LMF1: variants seen among roughly 807,000 people sequenced by gnomAD.
LMF1 encodes the protein lipase maturation factor 1.
In LMF1, 68 loss-of-function variants were observed where a neutral mutation model predicts 60.6. The observed-to-expected ratio is 1.12, with a 90% CI of 0.92 to 1.37. The LOEUF (loss-of-function observed/expected upper bound fraction) is 1.37. Among genes scored for constraint, LMF1 ranks in the 40% most tolerant of loss-of-function variants. The pLI, the probability that LMF1 is intolerant of heterozygous loss-of-function variation, is 0.00. For missense variants in LMF1, 948 were observed against 767.2 expected, an observed-to-expected ratio of 1.24 and a Z score of -2.78; for synonymous variants, 418 against 324.7, an observed-to-expected ratio of 1.29 and a Z score of -3.09.
chr16:927,945 G>T (rs2071657740), intron 3 of LMF1, among the ~76,000 whole-genome samples: 1 of 152,192 alleles, frequency 6.6e-6, no homozygotes, highest in Non-Finnish European at 1.5e-5. Flanking sequence ...AGCCTAGAAA[G>T]CAGACCTGAG....
At chr16:880,420 C>A (rs2070128440) in intron 5 of LMF1, among the ~76,000 whole-genome samples, 1 of 152,198 alleles carries the variant, frequency 6.6e-6, no homozygotes, top group Non-Finnish European at 1.5e-5. Context: ...GCCTGTGATC[C>A]CAGCACTTTG....
At chr16:909,212 G>C (rs563946665) in intron 4 of LMF1, among the ~76,000 whole-genome samples, 3 of 152,314 alleles carry the variant, frequency 2.0e-5, no homozygotes, top group Admixed American at 2.0e-4. Flanking sequence ...GCTAAGGGCT[G>C]GCGCAAGGTG....
intron 1 of LMF1, among the ~76,000 whole-genome samples, chr16:977,544 G>C (rs1162361050): frequency 6.6e-6 from 1 of 152,194 alleles, no homozygotes; most frequent in Non-Finnish European, 1.5e-5. Flanking sequence ...CGGGATGCAG[G>C]GGCTGGGAGG....
intron 3 of LMF1, among the ~76,000 whole-genome samples, chr16:924,585 A>G (rs902953715): frequency 1.3e-5 from 2 of 152,152 alleles, no homozygotes; most frequent in Admixed American, 6.5e-5. Context: ...ATAAAACCAC[A>G]CCATCGGCCA....
At chr16:981,239 C>G (rs912248355) in exon 1 of LMF1, 12 of 453,420 alleles carry the variant, frequency 2.6e-5, no homozygotes, top group African/African-American at 2.2e-4. Flanking sequence ...GCAGCTGACC[C>G]CGCGCCACCG....
chr16:869,588 T>G, intron 9 of LMF1: 2 of 628,116 alleles, frequency 3.2e-6, no homozygotes, highest in East Asian at 3.3e-5. Context: ...CTGGCTAACT[T>G]TTGTATTGTT....
chr16:910,871 C>T, intron 4 of LMF1, 60 bp downstream of exon 4: 1 of 1,598,760 alleles, frequency 6.3e-7, no homozygotes, highest in Non-Finnish European at 8.5e-7. Flanking sequence ...TCCTAGAAGC[C>T]TCACAGGTTA....
chr16:975,988 C>G (rs1361044006), intron 1 of LMF1: 1 of 453,060 alleles, frequency 2.2e-6, no homozygotes, highest in Non-Finnish European at 4.4e-6. Context: ...CAAGGGGCCT[C>G]ATGAACTCTG....
chr16:941,903 T>C (rs1300526446), intron 2 of LMF1, among the ~76,000 whole-genome samples: 1 of 152,178 alleles, frequency 6.6e-6, no homozygotes, highest in Non-Finnish European at 1.5e-5. Context: ...AGTATTACAG[T>C]TTTTGCCTTA....
intron 10 of LMF1, among the ~76,000 whole-genome samples, chr16:867,414 C>T (rs1459714536): frequency 6.6e-6 from 1 of 152,202 alleles, no homozygotes; most frequent in East Asian, 1.9e-4. Context: ...GGGCCAGCTC[C>T]AGGGTCCCCA....
intron 1 of LMF1, among the ~76,000 whole-genome samples, chr16:977,336 G>A (rs942585944): frequency 4.6e-5 from 7 of 152,178 alleles, no homozygotes; most frequent in Admixed American, 3.9e-4. Context: ...ACTCCCGAAG[G>A]GGGTCTTGAG....
rs1489470223 is a variant in LMF1 at position 874,800 on chromosome 16, G to C, written c.898-3459C>G. Reference sequence around the variant, plus strand: ...GCAGGCGGCGCTCAGAAGTCTCAGGGCACTCGGCTGTCACAGCGCGGCACA... The same window carrying C: ...GCAGGCGGCGCTCAGAAGTCTCAGGCCACTCGGCTGTCACAGCGCGGCACA... On this transcript the variant is annotated intron_variant, in intron 6 of 10. Coordinates refer to ENST00000262301, the MANE Select transcript of LMF1 (RefSeq NM_022773.4). This position sits in a 1 kb window ranked among gnomAD's most constrained non-coding sequence, Gnocchi z 4.1. Among the ~76,000 whole-genome samples, 2 of 151,992 alleles carry C rather than the reference G, an allele frequency of 1.3e-5. No individual in the cohort carries two copies. The highest frequency in any genetic ancestry group is 2.4e-5 in the African/African-American group (1 of 41,294).
intron 3 of LMF1, among the ~76,000 whole-genome samples, chr16:930,090 GGGCGCAGGACCCTGGGAC>G: frequency 9.5e-6 from 1 of 105,778 alleles, no homozygotes; most frequent in Admixed American, 1.1e-4. Context: ...GTCTGAACGG[GGGCGCAGGACCCTGGGAC>G]ACAGAGCCCA....
Position 954,664 on chromosome 16 carries a change from C to A in LMF1, c.196G>T (p.Val66Leu), listed in dbSNP as rs753472646. 2.9e-5 allele frequency: 46 copies of A among 1,585,262 alleles called. No individual in the cohort carries two copies. The Middle Eastern group carries it at 6.7e-4, about 23-fold the overall frequency. Reference protein sequence around the residue: ...LLKALAFVYFVAFLVAFHQNK... With the variant: ...LLKALAFVYFLAFLVAFHQNK... The stretch of plus-strand genomic sequence containing the variant: ...TGATGGAAAGCCACCAGGAATGCCA[C>A]GACTGGAAGAAAAAGAAGACAAAAC... The change falls in exon 2 of 11, where the codon GTG becomes TTG. Residue 66 changes from valine (V) to leucine (L), a missense_variant and splice_region_variant. Transcript: ENST00000262301.
rs1468331922 is a variant in LMF1, at chr16:977,946, GCA to G, written c.-135+3197_-135+3198del. Among the ~76,000 whole-genome samples the G allele has an allele frequency of 2.9e-3, 198 of 68,760 alleles. 2 individuals are homozygous for G. The highest frequency in any genetic ancestry group is 0.014 in the African/African-American group (184 of 13,360). 45.1% of individuals were successfully genotyped at this position (68,760 alleles called of 152,430 possible). On this transcript the variant is annotated intron_variant, in intron 1 of 6. Transcript: ENST00000570014. ...TACCACACACATACATCATACACACGCACACACACCACACACCATACACACAC... is the reference window on the plus strand; with the variant it reads ...TACCACACACATACATCATACACACGCACACACCACACACCATACACACAC...
At chr16:912,947 C>T (rs570897035) in intron 3 of LMF1, among the ~76,000 whole-genome samples, 1 of 152,248 alleles carries the variant, frequency 6.6e-6, no homozygotes, top group Admixed American at 6.5e-5. Flanking sequence ...GCTCTCCAGA[C>T]AGCTCTCACC....
At chr16:936,371 G>A (rs537032289) in intron 2 of LMF1, among the ~76,000 whole-genome samples, 7 of 138,110 alleles carry the variant, frequency 5.1e-5, no homozygotes, top group Non-Finnish European at 7.8e-5. Flanking sequence ...GGCTAGGAGA[G>A]AGGGGGTACC....
intron 1 of LMF1, among the ~76,000 whole-genome samples, chr16:965,533 G>C (rs987759088): frequency 6.6e-6 from 1 of 152,226 alleles, no homozygotes; most frequent in Non-Finnish European, 1.5e-5. Flanking sequence ...AGCTTCCAGG[G>C]AGAAGAAGAG....
chr16:970,693 G>A (rs1253232970), intron 1 of LMF1, 95 bp downstream of exon 1: 12 of 1,182,644 alleles, frequency 1.0e-5, no homozygotes, highest in African/African-American at 4.8e-5. Flanking sequence ...GGGCGCCGCG[G>A]CCGCGAGACC....
Sources: allele counts gnomAD v4.1 joint callset (sites outside exome capture counted in the v4.1 genomes callset), GRCh38; gene constraint gnomAD v4.1.1; non-coding constraint Gnocchi (gnomAD v3.1); transcripts MANE v1.5; gene names NCBI Gene and HGNC (gene_info 2026-07-23, HGNC 2026-07-21).